The following SCRN1 variants were observed in gnomAD, a reference collection of about 807,000 sequenced individuals.
SCRN1 encodes the protein secernin 1.
SCRN1 carries 19 observed loss-of-function variants against 43.3 expected under a neutral mutation model. That is an observed-to-expected ratio of 0.44 (90% CI 0.31 to 0.64). The LOEUF is 0.64. Ranked by LOEUF, SCRN1 falls within the 30% of genes least tolerant of loss-of-function variation. The pLI is 0.09. For missense variants in SCRN1, 447 were observed against 524.1 expected (o/e 0.85, Z 1.44); for synonymous variants, 183 against 188.9 (o/e 0.97, Z 0.26).
At chr7:29,989,561 CA>C in intron 1 of SCRN1, 80 bp downstream of exon 1, 2 of 985,610 alleles carry the variant, frequency 2.0e-6, no homozygotes, top group Non-Finnish European at 2.4e-6. Flanking sequence ...AGATGAAACG[CA>C]GGAGGTGGCG....
intron 2 of SCRN1, among the ~76,000 whole-genome samples, chr7:29,964,606 C>A (rs571820895): frequency 4.6e-5 from 7 of 152,022 alleles, no homozygotes; most frequent in African/African-American, 1.7e-4. Context: ...GGTATACCCA[C>A]AGGATATCCA....
chr7:29,978,782 G>C (rs1788907840), intron 1 of SCRN1, among the ~76,000 whole-genome samples: 1 of 152,212 alleles, frequency 6.6e-6, no homozygotes, highest in African/African-American at 2.4e-5. Context: ...CCATAGCTCA[G>C]CCATGGCAAA....
chr7:29,989,387 G>T (rs1478902011), intron 1 of SCRN1, among the ~76,000 whole-genome samples: 1 of 152,022 alleles, frequency 6.6e-6, no homozygotes, highest in African/African-American at 2.4e-5. Context: ...GCCCGGGGCC[G>T]GCATCCCTCC....
At chr7:29,969,140 A>G in intron 1 of SCRN1, 72 bp from the exon 2 acceptor site, 1 of 1,523,990 alleles carries the variant, frequency 6.6e-7, no homozygotes, top group Non-Finnish European at 8.9e-7. Flanking sequence ...TTCTTCAAAC[A>G]TATTTCACCA....
At chr7:29,958,923 C>T (rs1788220108) in intron 2 of SCRN1, among the ~76,000 whole-genome samples, 1 of 152,198 alleles carries the variant, frequency 6.6e-6, no homozygotes, top group Non-Finnish European at 1.5e-5. Flanking sequence ...GCTTGCCACT[C>T]TCTCAGGGAC....
At chr7:29,946,754 C>T (rs1486509294) in intron 3 of SCRN1, among the ~76,000 whole-genome samples, 1 of 152,224 alleles carries the variant, frequency 6.6e-6, no homozygotes, top group African/African-American at 2.4e-5. Flanking sequence ...CTTTGTCCCA[C>T]CTGATTATTC....
rs567035450 is a variant in SCRN1 at position 29,966,552 on chromosome 7, T to C, written c.159+2357A>G. Among the ~76,000 whole-genome samples, 206 of 152,366 alleles carry C rather than the reference T, an allele frequency of 1.4e-3. 1 individual carries two copies. The highest frequency in any genetic ancestry group is 4.8e-3 in the African/African-American group (198 of 41,586). On this transcript the variant is annotated intron_variant, in intron 2 of 7. Transcript: ENST00000242059. ...AACTTTATCTACACAGAGTCCACTC[T>C]GTTCCAGGAAAAGAGAGAAACATTT...
intron 2 of SCRN1, among the ~76,000 whole-genome samples, chr7:29,964,643 G>A (rs1270403577): frequency 6.6e-6 from 1 of 151,974 alleles, no homozygotes; most frequent in East Asian, 1.9e-4. Context: ...ATGAACTTTA[G>A]TTAATAATAC....
chr7:29,933,740 G>A (rs942277121), intron 6 of SCRN1, among the ~76,000 whole-genome samples: 1 of 151,106 alleles, frequency 6.6e-6, no homozygotes, highest in Non-Finnish European at 1.5e-5. Context: ...GAGGGAGGGA[G>A]TAGAAAAGAG....
chr7:29,938,335 T>A (rs966089697), intron 5 of SCRN1, among the ~76,000 whole-genome samples: 1 of 152,240 alleles, frequency 6.6e-6, no homozygotes, highest in Non-Finnish European at 1.5e-5. Context: ...CCCACTCAGC[T>A]TGCATCTTAG....
In SCRN1 at chr7:29,949,896, G is replaced by C. The variant is rs111660229; in HGVS notation, c.341+5283C>G. On this transcript the variant is annotated intron_variant, in intron 3 of 7. Transcript: ENST00000242059. ...TTGCCATGTTGCCCAGGCTGGTCTT[G>C]AACTCCTGGGCTCAAGTGATCCTCA... 3.3e-5 allele frequency among the ~76,000 whole-genome samples: 5 copies of C among 151,398 alleles called. 1 individual carries two copies. Among genetic ancestry groups the C allele is most frequent in the African/African-American group, 1.2e-4 (5 of 41,232 alleles).
chr7:29,960,035 G>C (rs1788258903), intron 2 of SCRN1, among the ~76,000 whole-genome samples: 1 of 138,502 alleles, frequency 7.2e-6, no homozygotes, highest in Non-Finnish European at 1.6e-5. Context: ...GGGAGGGAGG[G>C]AGGAAATCTG....
intron 6 of SCRN1, among the ~76,000 whole-genome samples, chr7:29,927,822 G>T (rs17158510): frequency 0.058 from 8,774 of 152,218 alleles, 313 homozygotes; most frequent in African/African-American, 0.097. Flanking sequence ...ACACAGGTAT[G>T]AATATTTTCA....
chr7:29,950,026 C>T lies in SCRN1; in HGVS notation c.341+5153G>A, dbSNP rs533285713. 8.5e-5 allele frequency among the ~76,000 whole-genome samples: 13 copies of T among 152,286 alleles called. No homozygotes were observed. The highest frequency in any genetic ancestry group is 8.3e-4 in the South Asian group (4 of 4,830). The stretch of plus-strand genomic sequence containing the variant: ...GGCAGGGTCTGGGTTGCGTGCTTTG[C>T]GAGGCTGGTGGGAGCCCCACCCCCT... On this transcript the variant is annotated intron_variant, in intron 3 of 7. Coordinates refer to ENST00000242059, the MANE Select transcript of SCRN1 (RefSeq NM_014766.5). This position sits in a 1 kb window ranked among gnomAD's most constrained non-coding sequence, Gnocchi z 4.5.
chr7:29,940,611 G>T, intron 5 of SCRN1, 71 bp downstream of exon 5: 1 of 1,428,342 alleles, frequency 7.0e-7, no homozygotes, highest in Non-Finnish European at 9.5e-7. Context: ...TCTAAGTTCA[G>T]ACAAGTTCTC....
chr7:29,984,598 T>C (rs1209129838), intron 1 of SCRN1, among the ~76,000 whole-genome samples: 1 of 151,736 alleles, frequency 6.6e-6, no homozygotes, highest in African/African-American at 2.4e-5. Context: ...AGCCAAAATA[T>C]TTACTAGAAA....
At chr7:29,987,217 T>G (rs953726759) in intron 1 of SCRN1, among the ~76,000 whole-genome samples, 1 of 152,172 alleles carries the variant, frequency 6.6e-6, no homozygotes, top group Non-Finnish European at 1.5e-5. Flanking sequence ...TTCCACATCT[T>G]CACCACCTCT....
At chr7:29,989,802 C>CCGG (rs1031427857), upstream of SCRN1, 1 of 989,256 alleles carries the variant, frequency 1.0e-6, no homozygotes. Flanking sequence ...ACCCAGACTC[C>CCGG]CGGCGCTGGG....
At chr7:29,933,442 G>C (rs960183000) in intron 6 of SCRN1, among the ~76,000 whole-genome samples, 5 of 152,126 alleles carry the variant, frequency 3.3e-5, no homozygotes, top group Non-Finnish European at 7.3e-5. Context: ...CTCTCACAAT[G>C]CTAAGGTACC....
Sources: gnomAD v4.1 joint callset for allele counts (sites outside exome capture counted in the v4.1 genomes callset) on GRCh38, gnomAD v4.1.1 for gene constraint, Gnocchi (gnomAD v3.1) non-coding constraint, MANE v1.5 for transcripts, NCBI Gene and HGNC (gene_info 2026-07-23, HGNC 2026-07-21) for gene names.